The following SMAD1 variants were observed in gnomAD, a reference collection of about 807,000 sequenced individuals.
SMAD1 encodes the protein MAD, mothers against decapentaplegic homolog 1.
Under a neutral mutation model 41.6 loss-of-function variants are expected in SMAD1, and 6 were observed. The ratio of observed to expected loss-of-function variants is 0.14; its 90% CI spans 0.08 to 0.28. The LOEUF (loss-of-function observed/expected upper bound fraction) is 0.28, where lower values mean the gene tolerates loss of function less well. SMAD1 is among the 10% of genes least tolerant of loss of function. The pLI, the probability that SMAD1 is intolerant of heterozygous loss-of-function variation, is 1.00. For missense variants in SMAD1, 379 were observed against 582.6 expected (o/e 0.65, Z 3.60); for synonymous variants, 206 against 203.2 (o/e 1.01, Z -0.12).
At chr4:145,496,277 G>C (rs28464746) in intron 1 of SMAD1, among the ~76,000 whole-genome samples, 11 of 152,210 alleles carry the variant, frequency 7.2e-5, no homozygotes, top group East Asian at 5.8e-4. Flanking sequence ...CAAACCAAGG[G>C]GGGGACTACT....
chr4:145,518,279 G>A (rs116377254), intron 2 of SMAD1, among the ~76,000 whole-genome samples: 3,540 of 124,824 alleles, frequency 0.028, 1,026 homozygotes, highest in Middle Eastern at 0.12. Flanking sequence ...CTCTGTCTCA[G>A]AAAAATAAAG....
intron 1 of SMAD1, among the ~76,000 whole-genome samples, chr4:145,492,475 T>C (rs887859508): frequency 6.6e-6 from 1 of 152,150 alleles, no homozygotes; most frequent in Non-Finnish European, 1.5e-5. Context: ...TAGGGCAAGG[T>C]GTGGAGGAAG....
chr4:145,493,271 G>A (rs528268844), intron 1 of SMAD1, among the ~76,000 whole-genome samples: 1 of 152,302 alleles, frequency 6.6e-6, no homozygotes, highest in South Asian at 2.1e-4. Flanking sequence ...AGAGACAGTA[G>A]TTTTTCATGA....
chr4:145,554,072 C>T, intron 6 of SMAD1, 32 bp downstream of exon 6: 3 of 1,551,048 alleles, frequency 1.9e-6, no homozygotes, highest in Non-Finnish European at 2.6e-6. Flanking sequence ...CATTTAGGGC[C>T]TAACATACTT....
At chr4:145,502,785 G>C (rs1216940459) in intron 1 of SMAD1, 1 of 152,166 alleles carries the variant, frequency 6.6e-6, no homozygotes, top group African/African-American at 2.4e-5. Flanking sequence ...AAATTTCACA[G>C]CTTCAGTGAA....
At chr4:145,527,196 C>T (rs1200471340) in intron 2 of SMAD1, among the ~76,000 whole-genome samples, 2 of 151,648 alleles carry the variant, frequency 1.3e-5, no homozygotes, top group African/African-American at 2.4e-5. Context: ...GGACACTGTG[C>T]TTATCACTTA....
intron 2 of SMAD1, among the ~76,000 whole-genome samples, chr4:145,523,028 G>C (rs923863830): frequency 2.0e-5 from 3 of 152,114 alleles, no homozygotes; most frequent in African/African-American, 7.2e-5. Flanking sequence ...CTTCAGTCTA[G>C]TTCAAGTTTT....
chr4:145,501,900 TGTAATAATGTTTGTAAAAACAACCA>T (rs1392279567), intron 1 of SMAD1, among the ~76,000 whole-genome samples: 4 of 152,130 alleles, frequency 2.6e-5, no homozygotes, highest in Non-Finnish European at 4.4e-5. Flanking sequence ...GAGGAGTCAA[TGTAATAATGTTTGTAAAAACAACCA>T]GTATAATGCT....
intron 1 of SMAD1, chr4:145,502,796 C>T (rs1466823261): frequency 6.6e-6 from 1 of 152,210 alleles, no homozygotes; most frequent in African/African-American, 2.4e-5. Flanking sequence ...CTTCAGTGAA[C>T]TTACAAGTGG....
In SMAD1 at chr4:145,546,894, A is replaced by G; in HGVS notation, c.967A>G (p.Ile323Val). 3 of 1,614,064 alleles carry G rather than the reference A, an allele frequency of 1.9e-6. No homozygotes were observed. Among genetic ancestry groups the G allele is most frequent in the South Asian group, 1.1e-5 (1 of 91,084 alleles). Reference sequence around the variant, plus strand: ...CTCCAATGTTAACCGGAATTCCACTATTGAAAACACCAGGCGGCATATTGG... The same window carrying G: ...CTCCAATGTTAACCGGAATTCCACTGTTGAAAACACCAGGCGGCATATTGG... ...LLSNVNRNSTIENTRRHIGKG... is the reference protein window; with the variant it reads ...LLSNVNRNSTVENTRRHIGKG... The change falls in exon 5 of 7, where the codon ATT becomes GTT. Residue 323 changes from isoleucine (I) to valine (V), a missense_variant. Transcript: ENST00000302085.
intron 2 of SMAD1, among the ~76,000 whole-genome samples, chr4:145,519,048 C>T (rs1730577968): frequency 9.1e-6 from 1 of 109,948 alleles, no homozygotes; most frequent in South Asian, 3.1e-4. Flanking sequence ...CTTTTTTTTA[C>T]TGCCTATTCT....
intron 2 of SMAD1, chr4:145,517,008 G>A (rs1043652234): frequency 1.3e-5 from 2 of 152,118 alleles, no homozygotes; most frequent in Admixed American, 6.6e-5. Flanking sequence ...CTCACCCTGC[G>A]CTAACCTTCC....
chr4:145,493,366 C>G (rs972082556), intron 1 of SMAD1, among the ~76,000 whole-genome samples: 1 of 152,200 alleles, frequency 6.6e-6, no homozygotes, highest in Non-Finnish European at 1.5e-5. Context: ...TTACAGCTTC[C>G]TGTTTTGCTT....
chr4:145,491,999 A>G (rs1159279068), intron 1 of SMAD1, among the ~76,000 whole-genome samples: 1 of 151,758 alleles, frequency 6.6e-6, no homozygotes, highest in African/African-American at 2.4e-5. Flanking sequence ...TTGTAGTAAA[A>G]CCTTATAATG....
rs561913306 is a variant in SMAD1 at position 145,514,193 on chromosome 4, A to G, written c.-176-245A>G. Among the ~76,000 whole-genome samples the G allele has an allele frequency of 1.4e-4, 21 of 151,106 alleles. No individual in the cohort carries two copies. Among genetic ancestry groups the G allele is most frequent in the African/African-American group, 4.9e-4 (20 of 40,566 alleles). The stretch of plus-strand genomic sequence containing the variant: ...TAGCAATCTTAAGACCACCAGTCCT[A>G]TCAGGTTAGGGCCCCACCCTGATGA... On this transcript the variant is annotated intron_variant, in intron 1 of 6. Transcript: ENST00000302085. This position sits in a 1 kb window ranked among gnomAD's most constrained non-coding sequence, Gnocchi z 4.7.
chr4:145,482,142 C>G lies in SMAD1; in HGVS notation c.-177+104C>G, dbSNP rs575209853. The G allele has an allele frequency of 2.7e-3, 406 of 149,946 alleles. 1 individual carries two copies. Among genetic ancestry groups the G allele is most frequent in the Non-Finnish European group, 5.2e-3 (348 of 67,322 alleles). 9.3% of individuals were successfully genotyped at this position (149,946 alleles called of 1,614,324 possible). A position where few individuals can be genotyped will look rare whatever the true frequency, so the allele number is the denominator to read the frequency against. ...GCGCCGCCGCCGCCGTCTCTGCACG[C>G]GTGGGGCCGCCGCGGTCGTGCTGGG... On this transcript the variant is annotated intron_variant, in intron 1 of 6. Coordinates refer to ENST00000302085, the MANE Select transcript of SMAD1 (RefSeq NM_005900.3). The surrounding 1 kb of genome is among the most constrained non-coding windows in gnomAD (Gnocchi z 4.2).
chr4:145,501,111 C>T (rs1729411959), intron 1 of SMAD1, among the ~76,000 whole-genome samples: 1 of 152,244 alleles, frequency 6.6e-6, no homozygotes, highest in Non-Finnish European at 1.5e-5. Flanking sequence ...AGAATGTGCC[C>T]CAATTTCTCA....
intron 1 of SMAD1, among the ~76,000 whole-genome samples, chr4:145,496,577 C>A (rs944219347): frequency 6.6e-6 from 1 of 151,952 alleles, no homozygotes; most frequent in Non-Finnish European, 1.5e-5. Context: ...TTTTTCTCAA[C>A]CAAAAGTGGA....
chr4:145,527,495 T>C (rs1344363416), intron 2 of SMAD1, among the ~76,000 whole-genome samples: 2 of 152,108 alleles, frequency 1.3e-5, no homozygotes, highest in Non-Finnish European at 2.9e-5. Flanking sequence ...AGTGCTGGGA[T>C]TACAGGCGTG....
Sources: gnomAD v4.1 joint callset for allele counts (sites outside exome capture counted in the v4.1 genomes callset) on GRCh38, gnomAD v4.1.1 for gene constraint, Gnocchi (gnomAD v3.1) non-coding constraint, MANE v1.5 for transcripts, NCBI Gene and HGNC (gene_info 2026-07-23, HGNC 2026-07-21) for gene names.